Variants in NUDT4 observed in about 807,000 individuals in gnomAD.
NUDT4 encodes the protein nudix hydrolase 4, also known as diphosphoinositol polyphosphate phosphohydrolase 2.
In NUDT4, 5 loss-of-function variants were observed where a neutral mutation model predicts 23.1. The observed-to-expected ratio is 0.22, with a 90% CI of 0.11 to 0.46. The LOEUF (loss-of-function observed/expected upper bound fraction) is 0.46, where lower values mean the gene tolerates loss of function less well. NUDT4 is among the 20% of genes least tolerant of loss of function. The pLI is 0.99. For synonymous variants in NUDT4, 50 were observed against 79.0 expected (o/e 0.63, Z 1.95); for missense variants, 96 against 211.6 (o/e 0.45, Z 3.39).
intron 1 of NUDT4, among the ~76,000 whole-genome samples, chr12:93,390,539 G>A (rs1054810527): frequency 1.3e-5 from 2 of 152,008 alleles, no homozygotes; most frequent in Non-Finnish European, 2.9e-5. Flanking sequence ...ATGCACTTTT[G>A]GATTTTTAAT....
At chr12:93,390,006 G>A (rs1876373866) in intron 1 of NUDT4, among the ~76,000 whole-genome samples, 1 of 152,090 alleles carries the variant, frequency 6.6e-6, no homozygotes, top group Non-Finnish European at 1.5e-5. Flanking sequence ...GCTCTGTCTT[G>A]GAGAACTGGA....
At chr12:93,387,423 G>A (rs1351579352) in intron 1 of NUDT4, among the ~76,000 whole-genome samples, 3 of 152,052 alleles carry the variant, frequency 2.0e-5, no homozygotes, top group Non-Finnish European at 2.9e-5. Flanking sequence ...ACTCCACTAC[G>A]GTGCAACTCC....
chr12:93,387,870 C>T (rs944413055), intron 1 of NUDT4, among the ~76,000 whole-genome samples: 1 of 152,106 alleles, frequency 6.6e-6, no homozygotes, highest in Admixed American at 6.6e-5. Flanking sequence ...TTTTTCCACC[C>T]TGGCAGACAT....
rs1422610407 is a variant in NUDT4 at position 93,378,191 on chromosome 12, C to A, written c.-132C>A. On this transcript the variant is annotated 5_prime_UTR_variant, in exon 1 of 5. Coordinates refer to ENST00000415493, the MANE Select transcript of NUDT4 (RefSeq NM_019094.6). ...GGACTGACCGGCCTCGCCGCACCTCCCGCACCGACTAGCGCTCCCGGGCGC... is the reference window on the plus strand; with the variant it reads ...GGACTGACCGGCCTCGCCGCACCTCACGCACCGACTAGCGCTCCCGGGCGC... The A allele has an allele frequency of 8.3e-6, 3 of 362,744 alleles. No individual in the cohort carries two copies. Among genetic ancestry groups the A allele is most frequent in the Non-Finnish European group, 1.5e-5 (3 of 200,052 alleles). 22.5% of individuals were successfully genotyped at this position (362,744 alleles called of 1,614,324 possible). A position where few individuals can be genotyped will look rare whatever the true frequency, so the allele number is the denominator to read the frequency against.
intron 1 of NUDT4, among the ~76,000 whole-genome samples, chr12:93,382,716 C>T (rs1875771084): frequency 7.5e-6 from 1 of 133,516 alleles, no homozygotes; most frequent in Admixed American, 8.6e-5. Context: ...TCGCTCTGTC[C>T]TCCAGGCTGG....
chr12:93,382,561 C>T (rs1280239725), intron 1 of NUDT4, among the ~76,000 whole-genome samples: 1 of 152,084 alleles, frequency 6.6e-6, no homozygotes, highest in Non-Finnish European at 1.5e-5. Context: ...ACAGTCAGTC[C>T]ACCCTTTTCA....
chr12:93,395,108 C>T (rs2120950223), intron 2 of NUDT4, among the ~76,000 whole-genome samples: 1 of 152,284 alleles, frequency 6.6e-6, no homozygotes, highest in South Asian at 2.1e-4. Context: ...CTCAGCCTCC[C>T]AAAGTGCTGG....
intron 1 of NUDT4, among the ~76,000 whole-genome samples, chr12:93,386,099 C>T (rs572219081): frequency 1.3e-5 from 2 of 151,730 alleles, no homozygotes; most frequent in African/African-American, 4.8e-5. Flanking sequence ...CCTCAGCCCC[C>T]CGAGTAGCTT....
In NUDT4 at chr12:93,402,126, A is replaced by C. The variant is rs1225212719; in HGVS notation, c.*2747A>C. On this transcript the variant is annotated 3_prime_UTR_variant, in exon 5 of 5. Transcript: ENST00000415493. ...GGCACATGCCATCCAATTTTCTGTCAATCACACTGTTGTATAAAGCAGCAG... is the reference window on the plus strand; with the variant it reads ...GGCACATGCCATCCAATTTTCTGTCCATCACACTGTTGTATAAAGCAGCAG... The C allele has an allele frequency of 2.3e-4, 35 of 151,278 alleles. No individual in the cohort carries two copies. The highest frequency in any genetic ancestry group is 4.0e-4 in the Non-Finnish European group (27 of 67,560). 9.4% of individuals were successfully genotyped at this position (151,278 alleles called of 1,614,324 possible).
intron 4 of NUDT4, 47 bp downstream of exon 4, chr12:93,398,902 G>C: frequency 3.2e-6 from 4 of 1,254,020 alleles, no homozygotes; most frequent in Non-Finnish European, 4.6e-6. Context: ...ACAGAAGATT[G>C]GGAAGATTCT....
chr12:93,389,372 T>C (rs1467063301), intron 1 of NUDT4, among the ~76,000 whole-genome samples: 1 of 151,968 alleles, frequency 6.6e-6, no homozygotes, highest in African/African-American at 2.4e-5. Flanking sequence ...CTTGGGAGGC[T>C]GAGGCAGGAG....
chr12:93,404,548 T>C lies in NUDT4; in HGVS notation c.*5169T>C, dbSNP rs1010822916. On this transcript the variant is annotated 3_prime_UTR_variant, in exon 5 of 5. Transcript: ENST00000415493. ...ATGTGTGTTGTAGGATTTATGAAACTGGTACCAATTTAATATTCAAATGTG... is the reference window on the plus strand; with the variant it reads ...ATGTGTGTTGTAGGATTTATGAAACCGGTACCAATTTAATATTCAAATGTG... 3 of 152,218 alleles carry C rather than the reference T, an allele frequency of 2.0e-5. No homozygotes were observed. Among genetic ancestry groups the C allele is most frequent in the African/African-American group, 7.2e-5 (3 of 41,456 alleles). The allele number at this position is 152,218 out of a possible 1,614,324, so 9.4% of individuals were successfully genotyped here. A position where few individuals can be genotyped will look rare whatever the true frequency, so the allele number is the denominator to read the frequency against.
At chr12:93,378,535 CTTCCTCCCTCCCTCCT>C (rs1178803363) in intron 1 of NUDT4, 114 bp downstream of exon 1, 1 of 1,294,690 alleles carries the variant, frequency 7.7e-7, no homozygotes, top group Non-Finnish European at 1.0e-6. Context: ...GATTAGCCCC[CTTCCTCCCTCCCTCCT>C]TTCCTCCCTC....
chr12:93,397,810 C>G (rs1414515152), intron 3 of NUDT4, among the ~76,000 whole-genome samples: 2 of 152,130 alleles, frequency 1.3e-5, no homozygotes, highest in Non-Finnish European at 2.9e-5. Context: ...CAGACGTGAG[C>G]TTCTGCTCCA....
At chr12:93,389,385 T>G (rs901257318) in intron 1 of NUDT4, among the ~76,000 whole-genome samples, 1 of 151,970 alleles carries the variant, frequency 6.6e-6, no homozygotes, top group Non-Finnish European at 1.5e-5. Context: ...GGCAGGAGAA[T>G]CGCTTGAACC....
chr12:93,404,400 C>T lies in NUDT4; in HGVS notation c.*5021C>T, dbSNP rs906427469. 1 of 152,176 alleles carries T rather than the reference C, an allele frequency of 6.6e-6. No homozygotes were observed. Among genetic ancestry groups the T allele is most frequent in the Admixed American group, 6.5e-5 (1 of 15,270 alleles). 9.4% of individuals were successfully genotyped at this position (152,176 alleles called of 1,614,324 possible). ...GGATCTGAGTGGAAACTGATACAGC[C>T]TGTCGGAGAGCTACTGAGTAGTATT... On this transcript the variant is annotated 3_prime_UTR_variant, in exon 5 of 5. Coordinates refer to ENST00000415493, the MANE Select transcript of NUDT4 (RefSeq NM_019094.6).
intron 1 of NUDT4, among the ~76,000 whole-genome samples, chr12:93,388,973 G>A (rs537302783): frequency 6.6e-6 from 1 of 152,210 alleles, no homozygotes; most frequent in Non-Finnish European, 1.5e-5. Flanking sequence ...TTAATTGGCA[G>A]ATCAAGGGCC....
chr12:93,406,490 G>C lies in NUDT4; in HGVS notation c.*7111G>C, dbSNP rs1446964381. ...GGTTTGTATTTAATCTTATTTTTAAGTGCTTCTTTGAAATTGTTTTACAAG... is the reference window on the plus strand; with the variant it reads ...GGTTTGTATTTAATCTTATTTTTAACTGCTTCTTTGAAATTGTTTTACAAG... On this transcript the variant is annotated 3_prime_UTR_variant, in exon 5 of 5. Transcript: ENST00000415493. 4 of 151,948 alleles carry C rather than the reference G, an allele frequency of 2.6e-5. No homozygotes were observed. The highest frequency in any genetic ancestry group is 7.3e-5 in the African/African-American group (3 of 41,368). 9.4% of individuals were successfully genotyped at this position (151,948 alleles called of 1,614,324 possible).
At chr12:93,395,467 A>C (rs765880884) in intron 2 of NUDT4, 22 bp from the exon 3 acceptor site, 2 of 1,561,718 alleles carry the variant, frequency 1.3e-6, no homozygotes, top group Non-Finnish European at 1.8e-6. Context: ...TAAACATTTT[A>C]TATTTCATCT....
Sources: gnomAD v4.1 joint callset for allele counts (sites outside exome capture counted in the v4.1 genomes callset) on GRCh38, gnomAD v4.1.1 for gene constraint, MANE v1.5 for transcripts, NCBI Gene and HGNC (gene_info 2026-07-23, HGNC 2026-07-21) for gene names.